The following PTPRD variants were observed in gnomAD, a reference collection of about 807,000 sequenced individuals.
PTPRD encodes protein tyrosine phosphatase receptor type D.
Under a neutral mutation model 214.5 loss-of-function variants are expected in PTPRD, and 34 were observed. That is an observed-to-expected ratio of 0.16 (90% CI 0.12 to 0.21). The LOEUF (loss-of-function observed/expected upper bound fraction) is 0.21, where lower values mean the gene tolerates loss of function less well. Ranked by LOEUF, PTPRD falls within the 10% of genes least tolerant of loss-of-function variation. The pLI is 1.00. For synonymous variants in PTPRD, 1,128 were observed against 845.7 expected (o/e 1.33, Z -5.79); for missense variants, 2,545 against 2,398.7 (o/e 1.06, Z -1.27).
intron 3 of PTPRD, among the ~76,000 whole-genome samples, chr9:10,296,240 T>A (rs1453661205): frequency 6.6e-6 from 1 of 152,112 alleles, no homozygotes; most frequent in Non-Finnish European, 1.5e-5. Context: ...TTAAGTAATA[T>A]TGAAACCAAC....
chr9:8,711,584 C>T (rs1212169540), intron 12 of PTPRD, among the ~76,000 whole-genome samples: 1 of 152,082 alleles, frequency 6.6e-6, no homozygotes, highest in African/African-American at 2.4e-5. Context: ...ATCACGTCTC[C>T]AAGCAATAAT....
intron 11 of PTPRD, among the ~76,000 whole-genome samples, chr9:8,766,559 G>C (rs190119173): frequency 1.3e-5 from 2 of 152,116 alleles, no homozygotes; most frequent in Admixed American, 6.5e-5. Context: ...ACAAATACAC[G>C]ACAATAAACA....
chr9:9,356,607 T>C (rs1372598045), intron 9 of PTPRD, among the ~76,000 whole-genome samples: 1 of 151,308 alleles, frequency 6.6e-6, no homozygotes, highest in East Asian at 1.9e-4. Context: ...TTGGAAAAAG[T>C]AGTGATGGGG....
intron 3 of PTPRD, among the ~76,000 whole-genome samples, chr9:10,259,563 T>C (rs1156887514): frequency 6.6e-6 from 1 of 152,192 alleles, no homozygotes; most frequent in South Asian, 2.1e-4. Flanking sequence ...TGACGCAATA[T>C]GAACCAAGTG....
chr9:9,968,549 C>G (rs2094868144), intron 4 of PTPRD, among the ~76,000 whole-genome samples: 1 of 152,106 alleles, frequency 6.6e-6, no homozygotes, highest in Non-Finnish European at 1.5e-5. Flanking sequence ...GAATGCTGTA[C>G]TTTGGGAGAG....
chr9:8,706,148 A>T (rs1012921683), intron 12 of PTPRD, among the ~76,000 whole-genome samples: 1 of 152,194 alleles, frequency 6.6e-6, no homozygotes, highest in Non-Finnish European at 1.5e-5. Context: ...TCTCCTCAAG[A>T]GAAACATTAT....
chr9:8,716,405 C>G (rs1211673075), intron 12 of PTPRD, among the ~76,000 whole-genome samples: 1 of 152,248 alleles, frequency 6.6e-6, no homozygotes, highest in African/African-American at 2.4e-5. Flanking sequence ...AATCCATTCT[C>G]TAATTCACTT....
chr9:10,043,674 A>G (rs291270), intron 3 of PTPRD, among the ~76,000 whole-genome samples: 8,883 of 151,862 alleles, frequency 0.058, 913 homozygotes, highest in African/African-American at 0.2. Context: ...ACACCTAAAG[A>G]TCAAAATGAT....
intron 35 of PTPRD, among the ~76,000 whole-genome samples, chr9:8,406,300 A>T (rs557955026): frequency 1.3e-5 from 2 of 152,294 alleles, no homozygotes; most frequent in African/African-American, 4.8e-5. Context: ...CCATGTCCAC[A>T]CAGAACAGCT....
intron 11 of PTPRD, among the ~76,000 whole-genome samples, chr9:8,741,889 G>C (rs544324192): frequency 6.6e-6 from 1 of 151,738 alleles, no homozygotes; most frequent in East Asian, 1.9e-4. Context: ...GCGCCTGACC[G>C]GGCATTTCTT....
chr9:8,999,831 G>T (rs1317129168), intron 11 of PTPRD, among the ~76,000 whole-genome samples: 2 of 151,952 alleles, frequency 1.3e-5, no homozygotes, highest in Non-Finnish European at 1.5e-5. Flanking sequence ...TTTGATGACC[G>T]CAGTCTGTAG....
intron 12 of PTPRD, among the ~76,000 whole-genome samples, chr9:8,669,061 C>T (rs926553334): frequency 3.3e-5 from 5 of 152,038 alleles, no homozygotes; most frequent in African/African-American, 9.7e-5. Context: ...ATTCTCTCTC[C>T]TCTCTATGGG....
chr9:9,308,892 C>A (rs1957982237), intron 9 of PTPRD, among the ~76,000 whole-genome samples: 1 of 152,046 alleles, frequency 6.6e-6, no homozygotes, highest in South Asian at 2.1e-4. Flanking sequence ...AATATCATTA[C>A]ATGTTATTTA....
intron 9 of PTPRD, among the ~76,000 whole-genome samples, chr9:9,314,354 T>G (rs1260010147): frequency 6.6e-6 from 1 of 152,140 alleles, no homozygotes; most frequent in African/African-American, 2.4e-5. Context: ...ATCACTCATG[T>G]AATGAGGTAG....
At chr9:9,777,368 C>T (rs866718553) in intron 5 of PTPRD, among the ~76,000 whole-genome samples, 4 of 151,058 alleles carry the variant, frequency 2.6e-5, no homozygotes, top group South Asian at 2.1e-4. Context: ...TAAATGTTTA[C>T]GTGTCAAAAA....
chr9:9,755,216 G>A, intron 6 of PTPRD, among the ~76,000 whole-genome samples: 1 of 151,994 alleles, frequency 6.6e-6, no homozygotes, highest in East Asian at 1.9e-4. Flanking sequence ...AGAAGATCAG[G>A]AGAAGGAAAT....
At chr9:8,748,154 A>G (rs866266661) in intron 11 of PTPRD, among the ~76,000 whole-genome samples, 3 of 151,974 alleles carry the variant, frequency 2.0e-5, no homozygotes, top group Non-Finnish European at 4.4e-5. Flanking sequence ...TTGTCAGCCA[A>G]CCTCCCCAAC....
At chr9:10,267,582 T>G (rs186293557) in intron 3 of PTPRD, among the ~76,000 whole-genome samples, 77 of 152,350 alleles carry the variant, frequency 5.1e-4, no homozygotes, top group African/African-American at 1.6e-3. Flanking sequence ...ACCTTACATT[T>G]TAAGAATAAC....
chr9:10,441,880 C>T (rs1268510541), intron 2 of PTPRD, among the ~76,000 whole-genome samples: 3 of 151,494 alleles, frequency 2.0e-5, no homozygotes, highest in Non-Finnish European at 4.4e-5. Context: ...TACTACCATA[C>T]CTATTAGTAA....
Sources: allele counts gnomAD v4.1 joint callset (sites outside exome capture counted in the v4.1 genomes callset), GRCh38; gene constraint gnomAD v4.1.1; transcripts MANE v1.5; gene names NCBI Gene and HGNC (gene_info 2026-07-23, HGNC 2026-07-21).